The following PTPRT variants were observed in gnomAD, a reference collection of about 807,000 sequenced individuals.
The protein encoded by PTPRT is protein tyrosine phosphatase receptor type T, also known as receptor-type tyrosine-protein phosphatase T.
Under a neutral mutation model 176.8 loss-of-function variants are expected in PTPRT, and 56 were observed. That is an observed-to-expected ratio of 0.32 (90% CI 0.26 to 0.40). PTPRT has a LOEUF of 0.40. Ranked by LOEUF, PTPRT falls within the 10% of genes least tolerant of loss-of-function variation. PTPRT has a pLI of 1.00. For synonymous variants in PTPRT, 783 were observed against 739.0 expected, an observed-to-expected ratio of 1.06 and a Z score of -0.96; for missense variants, 1,540 against 1,908.2, an observed-to-expected ratio of 0.81 and a Z score of 3.60.
chr20:42,647,589 C>T (rs2074935018), intron 7 of PTPRT, among the ~76,000 whole-genome samples: 1 of 152,106 alleles, frequency 6.6e-6, no homozygotes, highest in African/African-American at 2.4e-5. Context: ...GCCTGATCCT[C>T]AGGAAGTTCC....
chr20:42,666,494 T>C (rs1185375566), intron 7 of PTPRT, among the ~76,000 whole-genome samples: 1 of 152,228 alleles, frequency 6.6e-6, no homozygotes, highest in Non-Finnish European at 1.5e-5. Context: ...CTAAGTGCTC[T>C]TGACTTCTTT....
intron 2 of PTPRT, among the ~76,000 whole-genome samples, chr20:42,861,789 C>A (rs1288161896): frequency 1.3e-5 from 2 of 152,026 alleles, no homozygotes; most frequent in African/African-American, 4.8e-5. Flanking sequence ...AGTTGACATG[C>A]AAGCTCTTGC....
chr20:43,144,582 G>A (rs552069694), intron 1 of PTPRT, among the ~76,000 whole-genome samples: 24 of 152,162 alleles, frequency 1.6e-4, no homozygotes, highest in Admixed American at 4.6e-4. Flanking sequence ...CAAAAGTGAT[G>A]TATGAGTCAA....
chr20:42,453,837 ATTT>A (rs11482073), intron 8 of PTPRT, among the ~76,000 whole-genome samples: 2 of 141,020 alleles, frequency 1.4e-5, no homozygotes, highest in African/African-American at 2.6e-5. Flanking sequence ...CGCCCGGCTA[ATTT>A]TTTTTTTTTT....
intron 7 of PTPRT, among the ~76,000 whole-genome samples, chr20:42,525,752 T>A (rs1024917384): frequency 6.6e-6 from 1 of 152,244 alleles, no homozygotes; most frequent in Non-Finnish European, 1.5e-5. Flanking sequence ...TTTTTATGAA[T>A]GTAGAAGCTA....
At chr20:42,089,735 A>T (rs1187890030) in intron 27 of PTPRT, among the ~76,000 whole-genome samples, 1 of 152,136 alleles carries the variant, frequency 6.6e-6, no homozygotes, top group African/African-American at 2.4e-5. Flanking sequence ...TGTGCTGGCA[A>T]ATGTGGTGTT....
intron 6 of PTPRT, among the ~76,000 whole-genome samples, chr20:42,720,864 G>A (rs554344849): frequency 6.6e-6 from 1 of 152,242 alleles, no homozygotes; most frequent in African/African-American, 2.4e-5. Context: ...TAGAGAGTTG[G>A]GGTCCAGTAA....
chr20:43,084,496 C>T (rs1462124243), intron 1 of PTPRT, among the ~76,000 whole-genome samples: 12 of 152,172 alleles, frequency 7.9e-5, no homozygotes, highest in African/African-American at 2.9e-4. Context: ...CTCATGAGAA[C>T]TCACTCACTA....
rs2867060 is a variant in PTPRT at position 42,132,834 on chromosome 20, G to A, written c.2771-4004C>T. Among the ~76,000 whole-genome samples the A allele has an allele frequency of 5.6e-3, 856 of 152,302 alleles. 16 individuals carry two copies. Among genetic ancestry groups the A allele is most frequent in the Admixed American group, 0.036 (556 of 15,306 alleles). On this transcript the variant is annotated intron_variant, in intron 18 of 30. Coordinates refer to ENST00000373187, the MANE Select transcript of PTPRT (RefSeq NM_007050.6). ...TACTTCTTGGTATTTACCCAAATGA[G>A]GTGAAAACTTATGTCCATAGGAAAA...
intron 7 of PTPRT, among the ~76,000 whole-genome samples, chr20:42,591,189 C>T (rs574704579): frequency 3.3e-5 from 5 of 151,234 alleles, no homozygotes; most frequent in Non-Finnish European, 7.4e-5. Context: ...AATCAAAATC[C>T]AGAAATATTA....
At chr20:42,138,585 C>T (rs946993458) in intron 18 of PTPRT, among the ~76,000 whole-genome samples, 8 of 152,198 alleles carry the variant, frequency 5.3e-5, no homozygotes, top group African/African-American at 1.9e-4. Flanking sequence ...AGTGTCAGCA[C>T]CTTCCTGCCA....
intron 14 of PTPRT, among the ~76,000 whole-genome samples, chr20:42,241,373 G>T (rs180984530): frequency 6.6e-6 from 1 of 152,248 alleles, no homozygotes; most frequent in East Asian, 1.9e-4. Flanking sequence ...TTAACAAAGT[G>T]GGAATGGCAA....
chr20:42,944,879 A>G (rs1022686225), intron 1 of PTPRT, among the ~76,000 whole-genome samples: 1 of 152,164 alleles, frequency 6.6e-6, no homozygotes, highest in African/African-American at 2.4e-5. Flanking sequence ...GAAGGCAAAG[A>G]ATATTGTTCA....
chr20:42,131,775 T>A (rs1252655755), intron 18 of PTPRT, among the ~76,000 whole-genome samples: 1 of 152,184 alleles, frequency 6.6e-6, no homozygotes, highest in Non-Finnish European at 1.5e-5. Context: ...AACTTCCAAA[T>A]CTAGAAGATG....
chr20:42,971,920 C>T (rs1248359380), intron 1 of PTPRT, among the ~76,000 whole-genome samples: 1 of 151,986 alleles, frequency 6.6e-6, no homozygotes, highest in Admixed American at 6.5e-5. Context: ...CAGACAAGGC[C>T]TTTGCCTTTT....
intron 7 of PTPRT, among the ~76,000 whole-genome samples, chr20:42,597,836 T>A (rs1054842339): frequency 1.3e-5 from 2 of 152,138 alleles, no homozygotes; most frequent in African/African-American, 4.8e-5. Flanking sequence ...GTTCCACCCA[T>A]GCCCAAAGGG....
chr20:42,236,627 G>C (rs1361752132), intron 14 of PTPRT, among the ~76,000 whole-genome samples: 1 of 149,720 alleles, frequency 6.7e-6, no homozygotes, highest in South Asian at 2.1e-4. Flanking sequence ...CGGGGTGCAG[G>C]TGAGGGTATT....
chr20:42,922,644 C>T (rs1050051296), intron 1 of PTPRT, among the ~76,000 whole-genome samples: 5 of 152,176 alleles, frequency 3.3e-5, no homozygotes, highest in Non-Finnish European at 7.3e-5. Flanking sequence ...CAATTCTCTT[C>T]GTTACACACT....
intron 7 of PTPRT, among the ~76,000 whole-genome samples, chr20:42,637,702 G>C (rs1600522647): frequency 6.6e-6 from 1 of 152,068 alleles, no homozygotes; most frequent in East Asian, 1.9e-4. Context: ...ACAGGGACTT[G>C]GTTTGATTCA....
Sources: allele counts gnomAD v4.1 joint callset (sites outside exome capture counted in the v4.1 genomes callset), GRCh38; gene constraint gnomAD v4.1.1; transcripts MANE v1.5; gene names NCBI Gene and HGNC (gene_info 2026-07-23, HGNC 2026-07-21).